PARD3: variants seen among roughly 807,000 people sequenced by gnomAD.
The protein encoded by PARD3 is partitioning defective 3 homolog.
PARD3 carries 75 observed loss-of-function variants against 155.4 expected under a neutral mutation model. The ratio of observed to expected loss-of-function variants is 0.48; its 90% confidence interval spans 0.40 to 0.58. PARD3 has a LOEUF of 0.58. Among genes scored for constraint, PARD3 ranks in the 20% least tolerant of loss-of-function variants. The pLI, the probability that PARD3 is intolerant of heterozygous loss-of-function variation, is 0.00. For synonymous variants in PARD3, 576 were observed against 610.5 expected (o/e 0.94, Z 0.83); for missense variants, 1,642 against 1,721.7 (o/e 0.95, Z 0.82).
chr10:34,193,905 G>A (rs1025030118), intron 22 of PARD3, among the ~76,000 whole-genome samples: 1 of 152,216 alleles, frequency 6.6e-6, no homozygotes, highest in Non-Finnish European at 1.5e-5. Flanking sequence ...CACAAACTAC[G>A]GGGTGCTCCT....
At chr10:34,281,741 T>C (rs1156432754) in intron 21 of PARD3, among the ~76,000 whole-genome samples, 1 of 152,186 alleles carries the variant, frequency 6.6e-6, no homozygotes, top group Non-Finnish European at 1.5e-5. Flanking sequence ...AATATTTATA[T>C]CTTGAGCAAT....
intron 1 of PARD3, among the ~76,000 whole-genome samples, chr10:34,704,955 C>T (rs916568579): frequency 1.3e-5 from 2 of 152,154 alleles, no homozygotes; most frequent in African/African-American, 4.8e-5. Context: ...TAAAACACTT[C>T]ATTTTAAAAA....
chr10:34,295,964 G>A lies in PARD3; in HGVS notation c.3066-11719C>T, dbSNP rs557054969. 5.9e-5 allele frequency among the ~76,000 whole-genome samples: 9 copies of A among 152,256 alleles called. No homozygotes were observed. In the South Asian group the frequency reaches 8.3e-4, roughly 14 times the overall value. On this transcript the variant is annotated intron_variant, in intron 20 of 24. Coordinates refer to ENST00000374788, the MANE Select transcript of PARD3 (RefSeq NM_001184785.2). Reference sequence around the variant, plus strand: ...GTTCTTAAAATTAAATGTGAAGAACGCGGAAAGAAGGAAAACTGAGGCTGA... The same window carrying A: ...GTTCTTAAAATTAAATGTGAAGAACACGGAAAGAAGGAAAACTGAGGCTGA...
At chr10:34,693,191 C>T (rs1274764904) in intron 2 of PARD3, among the ~76,000 whole-genome samples, 3 of 152,148 alleles carry the variant, frequency 2.0e-5, no homozygotes, top group Non-Finnish European at 4.4e-5. Context: ...AGCAGTGTGG[C>T]AATTTCCCAA....
chr10:34,562,161 G>A lies in PARD3; in HGVS notation c.223-45002C>T, dbSNP rs1436872400. Among the ~76,000 whole-genome samples, 3 of 143,862 alleles carry A rather than the reference G, an allele frequency of 2.1e-5. No individual in the cohort carries two copies. In the East Asian group the frequency reaches 6.1e-4, roughly 29 times the overall value. 94.4% of individuals were successfully genotyped at this position (143,862 alleles called of 152,430 possible). A position where few individuals can be genotyped will look rare whatever the true frequency, so the allele number is the denominator to read the frequency against. The stretch of plus-strand genomic sequence containing the variant: ...AAAAAAAAAAAAAAAAAGGCTTGTT[G>A]GGGGGTGGCTCATGCCTATAATCCC... On this transcript the variant is annotated intron_variant, in intron 2 of 24. Transcript: ENST00000374788.
chr10:34,435,127 C>G (rs977233377), intron 5 of PARD3, among the ~76,000 whole-genome samples: 1 of 152,060 alleles, frequency 6.6e-6, no homozygotes, highest in Non-Finnish European at 1.5e-5. Flanking sequence ...TAATTTAATA[C>G]TTATTTATCC....
intron 22 of PARD3, among the ~76,000 whole-genome samples, chr10:34,194,066 G>A (rs1950833239): frequency 6.6e-6 from 1 of 152,096 alleles, no homozygotes; most frequent in Admixed American, 6.5e-5. Flanking sequence ...GAACATGGCA[G>A]GGAGCTCCCC....
At chr10:34,562,525 A>AGG (rs1028938053) in intron 2 of PARD3, among the ~76,000 whole-genome samples, 3 of 152,200 alleles carry the variant, frequency 2.0e-5, no homozygotes, top group Non-Finnish European at 4.4e-5. Context: ...GCTCACATGC[A>AGG]GGGTTACTCT....
At chr10:34,372,466 T>A (rs896365917) in intron 12 of PARD3, 32 bp downstream of exon 12, 23 of 1,555,152 alleles carry the variant, frequency 1.5e-5, no homozygotes, top group African/African-American at 2.7e-5. Flanking sequence ...CTTTCCAACA[T>A]CTCTGCATCC....
chr10:34,536,874 A>T (rs1299563608), intron 2 of PARD3, among the ~76,000 whole-genome samples: 4 of 152,240 alleles, frequency 2.6e-5, no homozygotes, highest in Admixed American at 2.0e-4. Flanking sequence ...TTTGATATTC[A>T]TGACCAAAAG....
At chr10:34,175,753 G>A (rs771327736) in intron 22 of PARD3, among the ~76,000 whole-genome samples, 12 of 152,014 alleles carry the variant, frequency 7.9e-5, no homozygotes, top group Non-Finnish European at 1.3e-4. Flanking sequence ...TATAGGAAAG[G>A]GAGTTTAAAA....
chr10:34,618,253 A>T (rs925784945), intron 2 of PARD3, among the ~76,000 whole-genome samples: 1 of 152,222 alleles, frequency 6.6e-6, no homozygotes, highest in African/African-American at 2.4e-5. Context: ...GAATCCAAAT[A>T]AAAAAGTCTT....
chr10:34,517,608 A>G (rs2081865835), intron 2 of PARD3, among the ~76,000 whole-genome samples: 1 of 152,216 alleles, frequency 6.6e-6, no homozygotes, highest in South Asian at 2.1e-4. Flanking sequence ...TCATTTGTGC[A>G]TAAGATACAT....
intron 1 of PARD3, among the ~76,000 whole-genome samples, chr10:34,753,266 T>G (rs1836294329): frequency 6.6e-6 from 1 of 152,190 alleles, no homozygotes. Context: ...AAAAGCAAAC[T>G]AAGAGCTGGG....
intron 22 of PARD3, among the ~76,000 whole-genome samples, chr10:34,161,236 C>A (rs1381149466): frequency 2.9e-5 from 3 of 105,144 alleles, no homozygotes; most frequent in African/African-American, 1.1e-4. Flanking sequence ...CAGAGTGAGA[C>A]CCTGTCTTGA....
intron 1 of PARD3, among the ~76,000 whole-genome samples, chr10:34,803,462 A>G (rs1843024828): frequency 6.6e-6 from 1 of 152,130 alleles, no homozygotes; most frequent in African/African-American, 2.4e-5. Flanking sequence ...TGTGAGTCTT[A>G]AAACGTAAAA....
intron 2 of PARD3, among the ~76,000 whole-genome samples, chr10:34,613,165 T>C (rs2091028867): frequency 6.6e-6 from 1 of 152,188 alleles, no homozygotes; most frequent in South Asian, 2.1e-4. Context: ...TTTTAAAGCA[T>C]TAAAATAAGT....
At chr10:34,468,884 C>T (rs1017641930) in intron 4 of PARD3, among the ~76,000 whole-genome samples, 2 of 152,100 alleles carry the variant, frequency 1.3e-5, no homozygotes, top group Admixed American at 1.3e-4. Context: ...AAATATCAAG[C>T]TACATCTTTT....
intron 24 of PARD3, among the ~76,000 whole-genome samples, chr10:34,118,590 C>CATTTGGTA (rs1946813215): frequency 6.6e-6 from 1 of 152,164 alleles, no homozygotes; most frequent in Non-Finnish European, 1.5e-5. Context: ...AAATGATCTG[C>CATTTGGTA]CTGCCTCAGC....
Sources: allele counts gnomAD v4.1 joint callset (sites outside exome capture counted in the v4.1 genomes callset), GRCh38; gene constraint gnomAD v4.1.1; transcripts MANE v1.5; gene names NCBI Gene and HGNC (gene_info 2026-07-23, HGNC 2026-07-21).